PLXND1: variants seen among roughly 807,000 people sequenced by gnomAD.
PLXND1 encodes plexin-D1.
In PLXND1, 54 loss-of-function variants were observed where a neutral mutation model predicts 197.7. The observed-to-expected ratio is 0.27, with a 90% CI of 0.22 to 0.34. The LOEUF is 0.34. Ranked by LOEUF, PLXND1 falls within the 10% of genes least tolerant of loss-of-function variation. The pLI, the probability that PLXND1 is intolerant of heterozygous loss-of-function variation, is 1.00. For missense variants in PLXND1, 2,127 were observed against 2,699.2 expected (o/e 0.79, Z 4.70); for synonymous variants, 1,180 against 1,161.2 (o/e 1.02, Z -0.33).
chr3:129,578,354 G>A lies in PLXND1; in HGVS notation c.2321C>T (p.Pro774Leu), dbSNP rs761730330. The change falls in exon 9 of 36, where the codon CCT becomes CTT. Residue 774 changes from proline to leucine, a missense_variant. Physicochemically the swap from Pro to Leu is moderately conservative, Grantham distance 98. Around this residue, in one of 6 missense-constraint regions of PLXND1, gnomAD observed 1,095 missense variants for 1,259.8 expected, o/e 0.87. Transcript: ENST00000324093. ...CTGGAAAAAGGCAGTGTTGGCCAGA[G>A]GCACCAGGATGTTCTGGGAGCCACC... Reference protein sequence around the residue: ...PTGGSQNILVPLANTAFFQGA... With the variant: ...PTGGSQNILVLLANTAFFQGA... 5 of 1,606,034 alleles carry A rather than the reference G, an allele frequency of 3.1e-6. No individual in the cohort carries two copies. Among genetic ancestry groups the A allele is most frequent in the Non-Finnish European group, 4.2e-6 (5 of 1,176,876 alleles).
intron 1 of PLXND1, among the ~76,000 whole-genome samples, chr3:129,592,855 C>T (rs778285699): frequency 7.3e-4 from 111 of 152,210 alleles, no homozygotes; most frequent in Admixed American, 1.1e-3. Flanking sequence ...CCCAGCGTGG[C>T]GGGAAGTGCC....
chr3:129,567,255 G>C (rs1184699422), intron 22 of PLXND1, among the ~76,000 whole-genome samples: 1 of 152,178 alleles, frequency 6.6e-6, no homozygotes, highest in African/African-American at 2.4e-5. Context: ...GGACAGCGGG[G>C]CTGCAGCTGG....
chr3:129,560,761 G>A (rs756152342), intron 29 of PLXND1, 38 bp from the exon 30 acceptor site: 9 of 1,209,988 alleles, frequency 7.4e-6, no homozygotes, highest in Non-Finnish European at 1.1e-5. Flanking sequence ...ACACGGGAGA[G>A]GAGAGGAGAG....
chr3:129,565,136 A>G (rs896100297), intron 25 of PLXND1, among the ~76,000 whole-genome samples: 2 of 152,224 alleles, frequency 1.3e-5, no homozygotes, highest in Admixed American at 1.3e-4. Flanking sequence ...GAGCCCTTGC[A>G]GCAAGCCAGC....
chr3:129,556,912 A>C, intron 34 of PLXND1, 171 bp downstream of exon 34: 1 of 786,582 alleles, frequency 1.3e-6, no homozygotes, highest in Non-Finnish European at 2.0e-6. Flanking sequence ...CCGCTCCTCA[A>C]ACTCTGGGAA....
intron 1 of PLXND1, chr3:129,591,775 C>T (rs1489062019): frequency 6.6e-6 from 1 of 152,224 alleles, no homozygotes; most frequent in Non-Finnish European, 1.5e-5. Flanking sequence ...GGACAGCCCT[C>T]CCAGCCCTCT....
chr3:129,579,309 G>A (rs1035159435), intron 8 of PLXND1, among the ~76,000 whole-genome samples: 6 of 152,162 alleles, frequency 3.9e-5, no homozygotes, highest in African/African-American at 7.2e-5. Flanking sequence ...GGGGTCCTCC[G>A]AGCTGGGGCG....
In PLXND1 at chr3:129,561,640, C is replaced by T; in HGVS notation, c.4993+6G>A. ...TGGGCTCCCTTCCCACGTGCACCCG[C>T]ACTACCTCGGCCCAGTGTGTTGTCC... On this transcript the variant is annotated splice_donor_region_variant and intron_variant, in intron 29 of 35. Coordinates refer to ENST00000324093, the MANE Select transcript of PLXND1 (RefSeq NM_015103.3). 6.2e-7 allele frequency: 1 copy of T among 1,601,680 alleles called. No individual in the cohort carries two copies. The highest frequency in any genetic ancestry group is 8.5e-7 in the Non-Finnish European group (1 of 1,172,744).
At chr3:129,559,366 G>A (rs991664120) in intron 32 of PLXND1, 2 of 405,844 alleles carry the variant, frequency 4.9e-6, no homozygotes. Context: ...GAGAATGATA[G>A]TAAGGGCAAC....
intron 20 of PLXND1, among the ~76,000 whole-genome samples, chr3:129,568,908 G>T (rs939477178): frequency 6.6e-6 from 1 of 152,128 alleles, no homozygotes; most frequent in Non-Finnish European, 1.5e-5. Flanking sequence ...TAATTTTAGA[G>T]CATTTTTGCT....
At chr3:129,562,669 T>C in intron 27 of PLXND1, 118 bp downstream of exon 27, 1 of 940,988 alleles carries the variant, frequency 1.1e-6, no homozygotes, top group Non-Finnish European at 1.6e-6. Context: ...CATTGGATCC[T>C]CTCAGTGTCC....
Position 129,571,617 on chromosome 3 carries a change from AC to A in PLXND1, c.3246-19del. 8.1e-6 allele frequency: 13 copies of A among 1,613,760 alleles called. No individual in the cohort carries two copies. The highest frequency in any genetic ancestry group is 1.1e-5 in the Non-Finnish European group (13 of 1,179,846). On this transcript the variant is annotated intron_variant, in intron 16 of 35. Coordinates refer to ENST00000324093, the MANE Select transcript of PLXND1 (RefSeq NM_015103.3). ...TGCCGCCACTGCGGGGGACAGCAAA[AC>A]CTATCAGTGCACCTGCAGCCCCAGA...
chr3:129,573,117 G>T, intron 13 of PLXND1, 176 bp from the exon 14 acceptor site: 1 of 601,478 alleles, frequency 1.7e-6, no homozygotes, highest in Non-Finnish European at 3.0e-6. Context: ...TGGGACAAAA[G>T]GGTCTCTGAT....
rs1425726953 is a variant in PLXND1 at position 129,571,171 on chromosome 3, G to C, written c.3469C>G (p.Leu1157Val). The C allele has an allele frequency of 1.2e-6, 2 of 1,614,102 alleles. No individual in the cohort carries two copies. The highest frequency in any genetic ancestry group is 2.7e-5 in the African/African-American group (2 of 74,952). ...ADEVAVAEEL[L>V]DPEEAQRGSR... The stretch of plus-strand genomic sequence containing the variant: ...CCCCGCTGTGCCTCCTCGGGGTCCA[G>C]TAGCTCCTCAGCCACAGCCACCTCG... The change falls in exon 18 of 36, where the codon CTG becomes GTG. Residue 1157 changes from leucine (L) to valine (V), a missense_variant. This residue lies in a region of PLXND1 where 532 missense variants were observed against 811.0 expected (regional missense o/e 0.66). Transcript: ENST00000324093.
chr3:129,576,783 G>A (rs1451877100), intron 9 of PLXND1, among the ~76,000 whole-genome samples: 2 of 152,192 alleles, frequency 1.3e-5, no homozygotes, highest in Non-Finnish European at 2.9e-5. Context: ...GGCCGCACAC[G>A]GTAGGGGCCT....
At chr3:129,581,590 T>G (rs1196593214) in intron 8 of PLXND1, among the ~76,000 whole-genome samples, 2 of 152,110 alleles carry the variant, frequency 1.3e-5, no homozygotes, top group Non-Finnish European at 2.9e-5. Flanking sequence ...AAGTATAGAG[T>G]TGGTATCTTA....
intron 8 of PLXND1, among the ~76,000 whole-genome samples, chr3:129,579,324 T>C (rs1560072488): frequency 6.6e-6 from 1 of 152,026 alleles, no homozygotes; most frequent in Non-Finnish European, 1.5e-5. Flanking sequence ...GGGGCGCGTG[T>C]TAAGATGCAG....
At chr3:129,575,933 A>C in intron 9 of PLXND1, 78 bp from the exon 10 acceptor site, 2 of 821,624 alleles carry the variant, frequency 2.4e-6, no homozygotes, top group Non-Finnish European at 4.2e-6. Context: ...CCAGCAGGAC[A>C]CCACGGGCTC....
chr3:129,602,271 AC>A (rs2108807147), intron 1 of PLXND1, among the ~76,000 whole-genome samples: 1 of 152,144 alleles, frequency 6.6e-6, no homozygotes, highest in Admixed American at 6.5e-5. Context: ...ACTCCCAAGG[AC>A]GGTCTCCCCA....
Sources: allele counts gnomAD v4.1 joint callset (sites outside exome capture counted in the v4.1 genomes callset), GRCh38; gene constraint gnomAD v4.1.1; regional missense constraint gnomAD v4.1.1; transcripts MANE v1.5; gene names NCBI Gene and HGNC (gene_info 2026-07-23, HGNC 2026-07-21).